The following PCDHA11 variants were observed in gnomAD, a reference collection of about 807,000 sequenced individuals.
The protein encoded by PCDHA11 is protocadherin alpha 11, also known as protocadherin alpha-11.
PCDHA11 carries 61 observed loss-of-function variants against 70.3 expected under a neutral mutation model. The ratio of observed to expected loss-of-function variants is 0.87; its 90% CI spans 0.71 to 1.07. The LOEUF is 1.07. Among genes scored for constraint, PCDHA11 ranks in the 50% least tolerant of loss-of-function variants. PCDHA11 has a pLI of 0.00. For synonymous variants in PCDHA11, 633 were observed against 555.1 expected (o/e 1.14, Z -1.97); for missense variants, 1,324 against 1,237.5 (o/e 1.07, Z -1.05).
At chr5:140,962,667 C>T (rs576054969) in intron 1 of PCDHA11, among the ~76,000 whole-genome samples, 1 of 152,272 alleles carries the variant, frequency 6.6e-6, no homozygotes, top group East Asian at 1.9e-4. Flanking sequence ...TTCATCTTCC[C>T]ATCCACTGGA....
intron 1 of PCDHA11, 109 bp downstream of exon 1, chr5:140,871,603 T>C (rs919844711): frequency 6.2e-6 from 9 of 1,443,200 alleles, no homozygotes; most frequent in Admixed American, 5.5e-5. Flanking sequence ...AACCAGTGTT[T>C]TGAATATTGT....
At chr5:141,003,936 C>T (rs934368361) in intron 3 of PCDHA11, among the ~76,000 whole-genome samples, 41 of 152,122 alleles carry the variant, frequency 2.7e-4, no homozygotes, top group African/African-American at 9.9e-4. Context: ...TTGTCTTTGC[C>T]TGAGGGTGAG....
intron 1 of PCDHA11, among the ~76,000 whole-genome samples, chr5:140,934,198 A>G (rs918942390): frequency 3.7e-4 from 57 of 152,134 alleles, no homozygotes; most frequent in African/African-American, 1.3e-3. Context: ...TTTCATTTCT[A>G]TTTCCTCACA....
At chr5:140,968,229 TC>T in intron 1 of PCDHA11, 2 of 1,613,970 alleles carry the variant, frequency 1.2e-6, no homozygotes, top group Non-Finnish European at 1.7e-6. Flanking sequence ...GGTGTGTTGC[TC>T]TGTACTGTGC....
Position 140,904,868 on chromosome 5 carries a change from C to T in PCDHA11, c.2391+33374C>T, listed in dbSNP as rs188578381. 2.9e-3 allele frequency among the ~76,000 whole-genome samples: 446 copies of T among 152,022 alleles called. 2 individuals are homozygous for T. Among genetic ancestry groups the T allele is most frequent in the Middle Eastern group, 0.014 (4 of 294 alleles). Reference sequence around the variant, plus strand: ...TCTTCTGAGAATTGTCTGTTTATGTCCTTAGCTCACTTTTTGATGGGATTT... The same window carrying T: ...TCTTCTGAGAATTGTCTGTTTATGTTCTTAGCTCACTTTTTGATGGGATTT... On this transcript the variant is annotated intron_variant, in intron 1 of 3. Transcript: ENST00000398640.
intron 1 of PCDHA11, among the ~76,000 whole-genome samples, chr5:140,954,496 T>G (rs571286912): frequency 2.3e-4 from 35 of 152,256 alleles, no homozygotes; most frequent in Non-Finnish European, 2.8e-4. Context: ...CATTGTGGTT[T>G]TGATTTGCAT....
rs1554163647 is a variant in PCDHA11 at position 140,869,951 on chromosome 5, CAATT to C, written c.851_854del (p.Ile284SerfsTer10). ...GGAGAGGTAACATACTCCTTAATGT[CAATT>C]AAGCCCAATGGAAGACACTTATTTA... On this transcript the variant is annotated frameshift_variant, in exon 1 of 4. Coordinates refer to ENST00000398640, the MANE Select transcript of PCDHA11 (RefSeq NM_018902.5). LOFTEE classifies it high-confidence loss of function. 2.5e-6 allele frequency: 4 copies of C among 1,611,984 alleles called. No individual in the cohort carries two copies. The highest frequency in any genetic ancestry group is 3.4e-6 in the Non-Finnish European group (4 of 1,178,818).
At chr5:140,930,416 T>C (rs1554207810) in intron 1 of PCDHA11, 1 of 151,928 alleles carries the variant, frequency 6.6e-6, no homozygotes, top group East Asian at 1.9e-4. Flanking sequence ...GAGACAGGGG[T>C]CTCACTATGT....
At chr5:140,989,644 T>C (rs1284720942) in intron 3 of PCDHA11, among the ~76,000 whole-genome samples, 3 of 152,232 alleles carry the variant, frequency 2.0e-5, no homozygotes, top group Non-Finnish European at 4.4e-5. Flanking sequence ...GGGTCTTTCA[T>C]GGCAATATTT....
rs371705947 is a variant in PCDHA11, at chr5:140,967,473, C to T, written c.2392-11476C>T. The T allele has an allele frequency of 6.6e-5, 107 of 1,613,362 alleles. No homozygotes were observed. The highest frequency in any genetic ancestry group is 6.6e-4 in the Middle Eastern group (4 of 6,058). On this transcript the variant is annotated intron_variant, in intron 1 of 3. Coordinates refer to ENST00000398640, the MANE Select transcript of PCDHA11 (RefSeq NM_018902.5). The stretch of plus-strand genomic sequence containing the variant: ...ACAGCCGTGGATGGGGGCATCCCAG[C>T]CCGCTCGGGTACGGCACAGATCTCT...
chr5:140,918,021 A>G (rs2078482403), intron 1 of PCDHA11, among the ~76,000 whole-genome samples: 2 of 152,190 alleles, frequency 1.3e-5, no homozygotes, highest in South Asian at 2.1e-4. Flanking sequence ...CTTCCTACCC[A>G]TGAGCGTGGA....
chr5:140,991,981 T>C (rs2097483028), intron 3 of PCDHA11, among the ~76,000 whole-genome samples: 1 of 152,008 alleles, frequency 6.6e-6, no homozygotes, highest in South Asian at 2.1e-4. Flanking sequence ...TTATTCTGCC[T>C]ACCACCCGGT....
intron 3 of PCDHA11, among the ~76,000 whole-genome samples, chr5:140,988,630 G>A (rs184253041): frequency 3.1e-4 from 47 of 152,192 alleles, no homozygotes; most frequent in African/African-American, 1.1e-3. Context: ...AGATGTCCTG[G>A]TTTTCTGAAA....
At chr5:141,004,186 C>T (rs1554259505) in intron 3 of PCDHA11, among the ~76,000 whole-genome samples, 1 of 152,240 alleles carries the variant, frequency 6.6e-6, no homozygotes, top group Non-Finnish European at 1.5e-5. Flanking sequence ...CTTGAGTGCT[C>T]TTAACCAAAA....
At chr5:140,979,150 C>T (rs1470916466) in intron 2 of PCDHA11, 143 bp downstream of exon 2, 4 of 1,435,458 alleles carry the variant, frequency 2.8e-6, no homozygotes, top group Middle Eastern at 3.7e-4. Context: ...ATTTTGTCCC[C>T]ATGTTTATTC....
intron 1 of PCDHA11, among the ~76,000 whole-genome samples, chr5:140,915,667 G>A (rs2077246554): frequency 1.3e-5 from 2 of 149,888 alleles, no homozygotes; most frequent in Admixed American, 1.3e-4. Flanking sequence ...AAGGTGCTGG[G>A]CCATCTTGAA....
At chr5:140,929,132 T>C (rs782124526) in intron 1 of PCDHA11, 2 of 1,614,214 alleles carry the variant, frequency 1.2e-6, no homozygotes, top group East Asian at 4.5e-5. Flanking sequence ...GTCACTACAG[T>C]TGAGAGACTT....
rs566250084 is a variant in PCDHA11 at position 140,877,055 on chromosome 5, T to G, written c.2391+5561T>G. The G allele has an allele frequency of 2.5e-6, 4 of 1,612,792 alleles. No homozygotes were observed. In the East Asian group the frequency reaches 8.9e-5, roughly 36 times the overall value. On this transcript the variant is annotated intron_variant, in intron 1 of 3. Coordinates refer to ENST00000398640, the MANE Select transcript of PCDHA11 (RefSeq NM_018902.5). ...CTGCAGCCGCTAGACCACGAGGAGC[T>G]GGAGCTGCTGCAGTTCCAGGTGAGC...
chr5:140,884,733 T>A (rs782206169), intron 1 of PCDHA11: 2 of 1,448,004 alleles, frequency 1.4e-6, no homozygotes, highest in African/African-American at 1.4e-5. Flanking sequence ...GTTTAAGACA[T>A]CTTTCCTGCC....
Sources: gnomAD v4.1 joint callset for allele counts (sites outside exome capture counted in the v4.1 genomes callset) on GRCh38, gnomAD v4.1.1 for gene constraint, MANE v1.5 for transcripts, NCBI Gene and HGNC (gene_info 2026-07-23, HGNC 2026-07-21) for gene names.